The following MARK2 variants were observed in gnomAD, a reference collection of about 807,000 sequenced individuals.
MARK2 encodes the protein serine/threonine-protein kinase MARK2.
In MARK2, 16 loss-of-function variants were observed where a neutral mutation model predicts 89.8. The ratio of observed to expected loss-of-function variants is 0.18; its 90% CI spans 0.12 to 0.27. The LOEUF (loss-of-function observed/expected upper bound fraction) is 0.27, where lower values mean the gene tolerates loss of function less well. Ranked by LOEUF, MARK2 falls within the 10% of genes least tolerant of loss-of-function variation. The pLI is 1.00. For synonymous variants in MARK2, 382 were observed against 399.5 expected (o/e 0.96, Z 0.52); for missense variants, 621 against 1,049.9 (o/e 0.59, Z 5.65).
In MARK2 at chr11:63,904,983, A is replaced by G. The variant is rs1416294196; in HGVS notation, c.1874A>G (p.Gln625Arg). Residue 625 changes from glutamine to arginine, a missense_variant, in exon 16 of 19, where the codon CAG (glutamine) becomes CGG (arginine). By Grantham distance (43) the Gln-to-Arg change is conservative. Around this residue, in one of 5 missense-constraint regions of MARK2, gnomAD observed 397 missense variants for 567.8 expected, o/e 0.70. Transcript: ENST00000402010. This position sits in a 1 kb window ranked among gnomAD's most constrained non-coding sequence, Gnocchi z 6.3. ...VTPASPSGHS[Q>R]GRRGASGSIF... ...CCAGCCTCTCCCTCTGGCCACAGCC[A>G]GGGCCGGCGGGGGGCCTCTGGGAGC... 12 of 1,614,054 alleles carry G rather than the reference A, an allele frequency of 7.4e-6. No individual in the cohort carries two copies. The highest frequency in any genetic ancestry group is 1.0e-5 in the Non-Finnish European group (12 of 1,180,024).
At chr11:63,889,911 TA>T (rs1939696627) in intron 1 of MARK2, among the ~76,000 whole-genome samples, 1 of 152,182 alleles carries the variant, frequency 6.6e-6, no homozygotes, top group South Asian at 2.1e-4. Context: ...CGTCTTACTA[TA>T]AGCAGGGAGG....
intron 1 of MARK2, among the ~76,000 whole-genome samples, chr11:63,874,021 C>T (rs1056267647): frequency 1.3e-5 from 2 of 152,232 alleles, no homozygotes; most frequent in Non-Finnish European, 2.9e-5. Context: ...CTTCACAGAG[C>T]CAGGGGTCAG....
At chr11:63,888,808 G>C in intron 1 of MARK2, 1 of 1,283,088 alleles carries the variant, frequency 7.8e-7, no homozygotes, top group Non-Finnish European at 1.0e-6. Context: ...GGTGTCGCCT[G>C]CTCTGGCTGA....
At chr11:63,882,639 G>A (rs1277308399) in intron 1 of MARK2, 1 of 151,814 alleles carries the variant, frequency 6.6e-6, no homozygotes. Context: ...CAGGGGCCAT[G>A]CTAATCTTCT....
intron 1 of MARK2, among the ~76,000 whole-genome samples, chr11:63,883,298 G>T (rs1462421188): frequency 6.6e-6 from 1 of 152,180 alleles, no homozygotes; most frequent in Admixed American, 6.6e-5. Flanking sequence ...CTGCAGGATG[G>T]TTTTATGTTA....
chr11:63,902,704 AGCCAGCAGCACAGCCAAGGTGCCT>A lies in MARK2; in HGVS notation c.1345_1368del (p.Ser449_Ser456del), dbSNP rs1940997357. 6.2e-7 allele frequency: 1 copy of A among 1,614,158 alleles called. No homozygotes were observed. ...AGGAGGACCGGGAGTCAGGGCGGAAAGCCAGCAGCACAGCCAAGGTGCCTGCCAGCCCCCTGCCCGGTCTGGAGA... is the reference window on the plus strand; with the variant it reads ...AGGAGGACCGGGAGTCAGGGCGGAAAGCCAGCCCCCTGCCCGGTCTGGAGA... On this transcript the variant is annotated inframe_deletion, in exon 13 of 19. Coordinates refer to ENST00000402010, the MANE Select transcript of MARK2 (RefSeq NM_001039469.3). The surrounding 1 kb of genome is among the most constrained non-coding windows in gnomAD (Gnocchi z 4.2).
intron 1 of MARK2, chr11:63,880,361 G>A (rs934655448): frequency 6.6e-6 from 1 of 152,016 alleles, no homozygotes; most frequent in Non-Finnish European, 1.5e-5. Flanking sequence ...AGGTGTGTAT[G>A]GGTGAAATTA....
At position 63,909,301 on chromosome 11, in the gene MARK2, G is replaced by C; in HGVS notation, c.*64G>C. The C allele has an allele frequency of 6.8e-7, 1 of 1,460,652 alleles. No individual in the cohort carries two copies. 90.5% of individuals were successfully genotyped at this position (1,460,652 alleles called of 1,614,324 possible). ...TGGACGGGCTGCCGGCCGCTGCGCC[G>C]CCCCACCTGGGCGAGACTGCAGCGA... On this transcript the variant is annotated 3_prime_UTR_variant, in exon 19 of 19. Transcript: ENST00000402010.
At chr11:63,907,479 G>A (rs1287422387) in intron 17 of MARK2, among the ~76,000 whole-genome samples, 1 of 152,214 alleles carries the variant, frequency 6.6e-6, no homozygotes, top group Non-Finnish European at 1.5e-5. Flanking sequence ...GCAATCCCCA[G>A]TTTCCTAGCT....
chr11:63,891,730 T>C (rs1262820383), intron 1 of MARK2, among the ~76,000 whole-genome samples: 2 of 152,102 alleles, frequency 1.3e-5, no homozygotes, highest in Non-Finnish European at 2.9e-5. Context: ...CTCGTAGGAG[T>C]TGGGGCAGAA....
intron 18 of MARK2, 148 bp downstream of exon 18, chr11:63,908,452 T>G: frequency 1.5e-6 from 1 of 662,016 alleles, no homozygotes; most frequent in Non-Finnish European, 2.6e-6. Flanking sequence ...CTCAGAGAGT[T>G]TCCCCTTCCC....
At chr11:63,856,400 A>G (rs980523155) in intron 1 of MARK2, among the ~76,000 whole-genome samples, 5 of 91,698 alleles carry the variant, frequency 5.5e-5, no homozygotes, top group Non-Finnish European at 1.1e-4. Context: ...TTTTTTTCTC[A>G]TTTTCCCTTT....
Position 63,901,031 on chromosome 11 carries a change from A to G in MARK2, c.1063A>G (p.Met355Val), listed in dbSNP as rs1316651720. The G allele has an allele frequency of 1.2e-6, 2 of 1,614,042 alleles. No individual in the cohort carries two copies. The highest frequency in any genetic ancestry group is 2.2e-5 in the East Asian group (1 of 44,884). The change falls in exon 11 of 19, where the codon ATG (methionine) becomes GTG (valine). Residue 355 changes from methionine (M) to valine (V), a missense_variant. Met to Val is a conservative substitution (Grantham distance 21). Coordinates refer to ENST00000402010, the MANE Select transcript of MARK2 (RefSeq NM_001039469.3). ...SLVGQRYNEV[M>V]ATYLLLGYKS... Reference sequence around the variant, plus strand: ...GGTGGGCCAGAGATACAACGAGGTGATGGCCACCTATCTGCTCCTGGGCTA... The same window carrying G: ...GGTGGGCCAGAGATACAACGAGGTGGTGGCCACCTATCTGCTCCTGGGCTA...
Position 63,904,022 on chromosome 11 carries a change from T to C in MARK2, c.1551T>C (p.Ser517=). The change falls in exon 15 of 19, where the codon TCT becomes TCC. Residue 517 remains serine (S), a synonymous_variant. Coordinates refer to ENST00000402010, the MANE Select transcript of MARK2 (RefSeq NM_001039469.3). This position sits in a 1 kb window ranked among gnomAD's most constrained non-coding sequence, Gnocchi z 6.3. ...CAGGGTCCCGGGCCTCCACGGCTTC[T>C]GCTTCTGCCGCAGTCTCTGCGGCCC... ...TMPGSRASTA[S]ASAAVSAARP... 1 of 1,609,190 alleles carries C rather than the reference T, an allele frequency of 6.2e-7. No individual in the cohort carries two copies. The highest frequency in any genetic ancestry group is 8.5e-7 in the Non-Finnish European group (1 of 1,179,274).
intron 1 of MARK2, chr11:63,868,519 A>G (rs922053944): frequency 2.3e-5 from 7 of 306,440 alleles, no homozygotes; most frequent in Non-Finnish European, 4.6e-5. Context: ...CTTTTTCAGG[A>G]TGAGAAGATG....
At chr11:63,875,153 C>T (rs1210179105) in intron 1 of MARK2, among the ~76,000 whole-genome samples, 5 of 140,368 alleles carry the variant, frequency 3.6e-5, no homozygotes, top group African/African-American at 1.4e-4. Context: ...TAGAGTCTCA[C>T]TCTGTCACCC....
intron 1 of MARK2, among the ~76,000 whole-genome samples, chr11:63,856,766 A>ATTT (rs1431845317): frequency 7.3e-5 from 3 of 41,354 alleles, no homozygotes; most frequent in African/African-American, 1.6e-4. Context: ...TAAATTTTTC[A>ATTT]TGTTTTTTTT....
At chr11:63,857,024 G>A (rs2016900288) in intron 1 of MARK2, among the ~76,000 whole-genome samples, 2 of 150,902 alleles carry the variant, frequency 1.3e-5, no homozygotes, top group Admixed American at 6.6e-5. Flanking sequence ...TGTTAGCCAG[G>A]ATGGTCTCGA....
chr11:63,860,597 A>G (rs1937702666), intron 1 of MARK2, among the ~76,000 whole-genome samples: 1 of 138,404 alleles, frequency 7.2e-6, no homozygotes, highest in Admixed American at 7.3e-5. Flanking sequence ...AGTGGCCCAC[A>G]TCTGTAATCC....
Sources: gnomAD v4.1 joint callset for allele counts (sites outside exome capture counted in the v4.1 genomes callset) on GRCh38, gnomAD v4.1.1 for gene constraint, gnomAD v4.1.1 regional missense constraint, Gnocchi (gnomAD v3.1) non-coding constraint, MANE v1.5 for transcripts, NCBI Gene and HGNC (gene_info 2026-07-23, HGNC 2026-07-21) for gene names.